Variants in TMED3 observed in about 807,000 individuals in gnomAD.
The protein encoded by TMED3 is transmembrane emp24 domain-containing protein 3.
TMED3 carries 9 observed loss-of-function variants against 15.0 expected under a neutral mutation model. The observed-to-expected ratio is 0.60, with a 90% CI of 0.36 to 1.04. TMED3 has a LOEUF of 1.04. Among genes scored for constraint, TMED3 ranks in the 50% least tolerant of loss-of-function variants. TMED3 has a pLI of 0.01. For synonymous variants in TMED3, 117 were observed against 121.4 expected (o/e 0.96, Z 0.24); for missense variants, 267 against 278.9 (o/e 0.96, Z 0.30).
chr15:79,398,594 A>G (rs1300208809), intron 2 of TMED3, among the ~76,000 whole-genome samples: 2 of 152,120 alleles, frequency 1.3e-5, no homozygotes, highest in Non-Finnish European at 2.9e-5. Context: ...CAGCTTGATC[A>G]GTCATGCAGA....
At chr15:79,377,791 C>T (rs933802985) in intron 2 of TMED3, among the ~76,000 whole-genome samples, 9 of 152,106 alleles carry the variant, frequency 5.9e-5, no homozygotes, top group Admixed American at 2.0e-4. Context: ...GGACTACAGG[C>T]GCCCGCCACC....
At chr15:79,328,287 G>C (rs1011063052) in intron 2 of TMED3, among the ~76,000 whole-genome samples, 10 of 151,982 alleles carry the variant, frequency 6.6e-5, no homozygotes, top group Admixed American at 2.0e-4. Flanking sequence ...CTGGCTTCTC[G>C]TATCACTTGC....
chr15:79,346,118 G>T (rs1883648551), intron 2 of TMED3, among the ~76,000 whole-genome samples: 1 of 152,170 alleles, frequency 6.6e-6, no homozygotes, highest in Non-Finnish European at 1.5e-5. Flanking sequence ...TCACTCTGTT[G>T]ATAGTTTCCT....
intron 2 of TMED3, among the ~76,000 whole-genome samples, chr15:79,376,092 G>GTTTTTTTTTTTTTTTTTTTTTTT (rs199728545): frequency 1.8e-5 from 2 of 112,064 alleles, no homozygotes; most frequent in African/African-American, 7.3e-5. Flanking sequence ...CTAGAGAAAG[G>GTTTTTTTTTTTTTTTTTTTTTTT]TTTTTTTTTT....
At chr15:79,355,190 G>A (rs935402616) in intron 2 of TMED3, among the ~76,000 whole-genome samples, 15 of 152,054 alleles carry the variant, frequency 9.9e-5, no homozygotes, top group African/African-American at 3.1e-4. Flanking sequence ...AAAACACTGT[G>A]TACTAGACCA....
At chr15:79,395,447 T>C (rs1169561370) in intron 2 of TMED3, among the ~76,000 whole-genome samples, 1 of 152,180 alleles carries the variant, frequency 6.6e-6, no homozygotes, top group Admixed American at 6.5e-5. Flanking sequence ...TCCCAAAGTG[T>C]TGGGATTACA....
intron 2 of TMED3, among the ~76,000 whole-genome samples, chr15:79,386,800 G>A (rs1182659275): frequency 1.3e-5 from 2 of 150,164 alleles, no homozygotes; most frequent in Non-Finnish European, 2.9e-5. Flanking sequence ...ACCCGTCTCA[G>A]CCTCCCAAAG....
At chr15:79,315,890 G>A (rs2058738435) in intron 2 of TMED3, 1 of 152,272 alleles carries the variant, frequency 6.6e-6, no homozygotes, top group South Asian at 2.1e-4. Flanking sequence ...CAAGCCAGTT[G>A]GCTATGGGGC....
chr15:79,401,385 A>T (rs74025320), intron 2 of TMED3, among the ~76,000 whole-genome samples: 5,066 of 152,278 alleles, frequency 0.033, 272 homozygotes, highest in African/African-American at 0.11. Flanking sequence ...TGTGAGATAG[A>T]TGACAGAGAG....
chr15:79,351,316 T>G (rs1225941058), intron 2 of TMED3, among the ~76,000 whole-genome samples: 1 of 152,214 alleles, frequency 6.6e-6, no homozygotes, highest in Non-Finnish European at 1.5e-5. Flanking sequence ...GCTCTGATAT[T>G]CTGAGGCTTC....
At chr15:79,373,697 A>T (rs1214017358) in intron 2 of TMED3, among the ~76,000 whole-genome samples, 1 of 152,222 alleles carries the variant, frequency 6.6e-6, no homozygotes, top group Non-Finnish European at 1.5e-5. Flanking sequence ...CACAGTCTTA[A>T]GAGGTCCTGA....
At chr15:79,373,130 A>G (rs1595903844) in intron 2 of TMED3, among the ~76,000 whole-genome samples, 1 of 152,244 alleles carries the variant, frequency 6.6e-6, no homozygotes, top group East Asian at 1.9e-4. Flanking sequence ...CAAGTCTGCA[A>G]TAGTTATTCT....
chr15:79,357,894 T>G (rs557358233), intron 2 of TMED3, among the ~76,000 whole-genome samples: 7 of 152,356 alleles, frequency 4.6e-5, no homozygotes, highest in Admixed American at 3.3e-4. Flanking sequence ...CATGCCATCA[T>G]ACCCTAGGAT....
intron 2 of TMED3, among the ~76,000 whole-genome samples, chr15:79,380,506 T>C (rs1893508439): frequency 6.8e-6 from 1 of 146,770 alleles, no homozygotes; most frequent in Non-Finnish European, 1.5e-5. Context: ...TATATAGTTA[T>C]ATATATAGTT....
chr15:79,362,529 A>G (rs2141241228), intron 2 of TMED3, among the ~76,000 whole-genome samples: 1 of 152,088 alleles, frequency 6.6e-6, no homozygotes, highest in Non-Finnish European at 1.5e-5. Flanking sequence ...TAAAATATTT[A>G]TTTATGTATA....
chr15:79,344,182 A>AC (rs888358561), intron 2 of TMED3, among the ~76,000 whole-genome samples: 2 of 151,746 alleles, frequency 1.3e-5, no homozygotes, highest in Non-Finnish European at 2.9e-5. Flanking sequence ...GACAGAAGGA[A>AC]CCCCCCAGAG....
At chr15:79,330,684 T>C (rs1263304632) in intron 2 of TMED3, among the ~76,000 whole-genome samples, 2 of 152,170 alleles carry the variant, frequency 1.3e-5, no homozygotes, top group Non-Finnish European at 2.9e-5. Context: ...TTTAAAATCC[T>C]AAAATTTATA....
chr15:79,312,440 A>G (rs11858942), intron 1 of TMED3, among the ~76,000 whole-genome samples: 45,011 of 152,134 alleles, frequency 0.3, 7,604 homozygotes, highest in Middle Eastern at 0.42. Context: ...TCATCTGGTC[A>G]CTGCCAGGGC....
intron 2 of TMED3, among the ~76,000 whole-genome samples, chr15:79,403,252 C>T (rs976807666): frequency 9.0e-6 from 1 of 111,256 alleles, no homozygotes; most frequent in African/African-American, 3.4e-5. Context: ...AAAAAAAAGA[C>T]TTGATTTGAT....
Sources: gnomAD v4.1 joint callset for allele counts (sites outside exome capture counted in the v4.1 genomes callset) on GRCh38, gnomAD v4.1.1 for gene constraint, MANE v1.5 for transcripts, NCBI Gene and HGNC (gene_info 2026-07-23, HGNC 2026-07-21) for gene names.